The following LRRC20 variants were observed in gnomAD, a reference collection of about 807,000 sequenced individuals.
LRRC20 encodes leucine rich repeat containing 20, also known as leucine-rich repeat-containing protein 20.
In LRRC20, 11 loss-of-function variants were observed where a neutral mutation model predicts 14.4. That is an observed-to-expected ratio of 0.77 (90% CI 0.48 to 1.27). LRRC20 has a LOEUF of 1.27. Among genes scored for constraint, LRRC20 ranks in the 50% most tolerant of loss-of-function variants. The pLI is 0.00. For synonymous variants in LRRC20, 121 were observed against 107.3 expected (o/e 1.13, Z -0.79); for missense variants, 219 against 251.2 (o/e 0.87, Z 0.87).
At chr10:70,306,696 T>C (rs1841439889) in intron 4 of LRRC20, among the ~76,000 whole-genome samples, 1 of 152,192 alleles carries the variant, frequency 6.6e-6, no homozygotes, top group Non-Finnish European at 1.5e-5. Flanking sequence ...TAACAAGAAG[T>C]CTGTGGGGAC....
chr10:70,364,805 T>C (rs1421204293), intron 2 of LRRC20, among the ~76,000 whole-genome samples: 6 of 152,042 alleles, frequency 3.9e-5, no homozygotes. Context: ...ATTCCACAGC[T>C]CCCAGCCTAG....
chr10:70,314,269 C>T (rs1420227332), intron 4 of LRRC20, among the ~76,000 whole-genome samples: 1 of 152,110 alleles, frequency 6.6e-6, no homozygotes, highest in African/African-American at 2.4e-5. Flanking sequence ...CTTGTGACCC[C>T]CAACCCAGGA....
intron 4 of LRRC20, among the ~76,000 whole-genome samples, chr10:70,305,930 C>T (rs548802529): frequency 1.6e-4 from 25 of 152,136 alleles, no homozygotes; most frequent in East Asian, 3.9e-4. Context: ...TTAGTAGAGA[C>T]GGGATTTCAC....
chr10:70,317,967 G>T (rs1841932785), intron 4 of LRRC20, among the ~76,000 whole-genome samples: 1 of 152,184 alleles, frequency 6.6e-6, no homozygotes, highest in Non-Finnish European at 1.5e-5. Context: ...AGGGTTGGTG[G>T]GTCTAACGGA....
intron 2 of LRRC20, among the ~76,000 whole-genome samples, chr10:70,346,800 T>C (rs1564632299): frequency 1.3e-5 from 2 of 152,242 alleles, no homozygotes; most frequent in South Asian, 4.1e-4. Flanking sequence ...GTAAGTAAAA[T>C]ACCATTCTAT....
chr10:70,368,433 A>G (rs1171362400), intron 2 of LRRC20, among the ~76,000 whole-genome samples: 1 of 151,968 alleles, frequency 6.6e-6, no homozygotes, highest in African/African-American at 2.4e-5. Flanking sequence ...CTGGGATTAC[A>G]GGGGTGAGCC....
intron 1 of LRRC20, chr10:70,381,787 A>G (rs1844717017): frequency 6.6e-6 from 1 of 152,092 alleles, no homozygotes; most frequent in African/African-American, 2.4e-5. Context: ...CCACTTCCCC[A>G]CCCCAGGGAA....
At chr10:70,361,159 C>A (rs904569784) in intron 2 of LRRC20, among the ~76,000 whole-genome samples, 1 of 152,140 alleles carries the variant, frequency 6.6e-6, no homozygotes, top group Non-Finnish European at 1.5e-5. Context: ...TGGCTGTGAG[C>A]GTCCACACAA....
intron 2 of LRRC20, among the ~76,000 whole-genome samples, chr10:70,369,726 G>C (rs1042010680): frequency 2.6e-5 from 4 of 151,094 alleles, no homozygotes; most frequent in Admixed American, 6.6e-5. Context: ...TCATAGGGTT[G>C]TCATGGGGAA....
At chr10:70,305,652 C>G (rs1841391823) in intron 4 of LRRC20, among the ~76,000 whole-genome samples, 1 of 151,916 alleles carries the variant, frequency 6.6e-6, no homozygotes, top group Non-Finnish European at 1.5e-5. Flanking sequence ...CTCCTTTTTT[C>G]CTTTGGAAAT....
At chr10:70,316,863 C>T (rs2136919973) in intron 4 of LRRC20, among the ~76,000 whole-genome samples, 1 of 152,366 alleles carries the variant, frequency 6.6e-6, no homozygotes, top group South Asian at 2.1e-4. Flanking sequence ...CAACTCAGAG[C>T]TCTGCAGACA....
At chr10:70,359,912 TC>T (rs1255931728) in intron 2 of LRRC20, among the ~76,000 whole-genome samples, 2 of 151,646 alleles carry the variant, frequency 1.3e-5, no homozygotes, top group East Asian at 3.9e-4. Context: ...GCATTTTTTT[TC>T]TTTTTCTTTT....
At chr10:70,340,068 C>A (rs1842858955) in intron 3 of LRRC20, among the ~76,000 whole-genome samples, 1 of 151,566 alleles carries the variant, frequency 6.6e-6, no homozygotes, top group African/African-American at 2.4e-5. Context: ...CTGCAGTGAG[C>A]CGAGATCACA....
intron 2 of LRRC20, among the ~76,000 whole-genome samples, chr10:70,373,488 C>T (rs1844389030): frequency 6.6e-6 from 1 of 152,190 alleles, no homozygotes; most frequent in Non-Finnish European, 1.5e-5. Flanking sequence ...ACTGCTTAGA[C>T]CCAGCCCCCT....
chr10:70,309,805 TG>T (rs35512351), intron 4 of LRRC20, among the ~76,000 whole-genome samples: 3 of 152,306 alleles, frequency 2.0e-5, no homozygotes, highest in East Asian at 1.9e-4. Flanking sequence ...CTTCTGAGGA[TG>T]GGGGGGTCCC....
intron 2 of LRRC20, among the ~76,000 whole-genome samples, chr10:70,368,907 G>A (rs1197727773): frequency 1.3e-5 from 2 of 152,190 alleles, no homozygotes; most frequent in African/African-American, 2.4e-5. Context: ...ACAGGTGTGA[G>A]CTACCGTGCC....
intron 3 of LRRC20, among the ~76,000 whole-genome samples, chr10:70,337,755 C>T (rs997742204): frequency 3.3e-5 from 5 of 152,240 alleles, no homozygotes; most frequent in Non-Finnish European, 1.5e-5. Context: ...TATCACAGCA[C>T]TGGGTGGTGA....
chr10:70,343,460 C>T (rs899244193), intron 2 of LRRC20, among the ~76,000 whole-genome samples: 1 of 152,236 alleles, frequency 6.6e-6, no homozygotes, highest in African/African-American at 2.4e-5. Context: ...TGGTCCAGGG[C>T]TGCACTTGGT....
chr10:70,348,309 C>T (rs1843155002), intron 2 of LRRC20, among the ~76,000 whole-genome samples: 1 of 152,174 alleles, frequency 6.6e-6, no homozygotes, highest in Non-Finnish European at 1.5e-5. Context: ...GAGGAGAGGT[C>T]CATGATCTCC....
Sources: gnomAD v4.1 joint callset for allele counts (sites outside exome capture counted in the v4.1 genomes callset) on GRCh38, gnomAD v4.1.1 for gene constraint, MANE v1.5 for transcripts, NCBI Gene and HGNC (gene_info 2026-07-23, HGNC 2026-07-21) for gene names.